The following CPSF3 variants were observed in gnomAD, a reference collection of about 807,000 sequenced individuals.
CPSF3 encodes the protein cleavage and polyadenylation specificity factor subunit 3.
In CPSF3, 57 loss-of-function variants were observed where a neutral mutation model predicts 84.1. That is an observed-to-expected ratio of 0.68 (90% CI 0.55 to 0.85). CPSF3 has a LOEUF of 0.85. Ranked by LOEUF, CPSF3 falls within the 40% of genes least tolerant of loss-of-function variation. The pLI is 0.00. For synonymous variants in CPSF3, 275 were observed against 278.1 expected (o/e 0.99, Z 0.11); for missense variants, 522 against 838.8 (o/e 0.62, Z 4.66).
chr2:9,425,976 A>G (rs1680376123), intron 1 of CPSF3, among the ~76,000 whole-genome samples: 1 of 152,202 alleles, frequency 6.6e-6, no homozygotes, highest in African/African-American at 2.4e-5. Context: ...CCTGTTCTGG[A>G]CATTTCATGT....
At position 9,459,603 on chromosome 2, in the gene CPSF3, C is replaced by A; in HGVS notation, c.1771C>A (p.Pro591Thr). The A allele has an allele frequency of 7.0e-7, 1 of 1,430,058 alleles. No homozygotes were observed. Among genetic ancestry groups the A allele is most frequent in the Non-Finnish European group, 9.7e-7 (1 of 1,028,932 alleles). 88.6% of individuals were successfully genotyped at this position (1,430,058 alleles called of 1,614,324 possible). Residue 591 changes from proline (P) to threonine (T), a missense_variant, in exon 15 of 18, where the codon CCC becomes ACC. By Grantham distance (38) the Pro-to-Thr change is conservative (BLOSUM62 -1). Transcript: ENST00000238112. ...TGTGATATTGGAAGTTCAGTCAAATCCCAAAATAAGAAAAGGTAAGAGTTC... is the reference window on the plus strand; with the variant it reads ...TGTGATATTGGAAGTTCAGTCAAATACCAAAATAAGAAAAGGTAAGAGTTC... ...TTVILEVQSN[P>T]KIRKGAVQKV...
intron 5 of CPSF3, among the ~76,000 whole-genome samples, chr2:9,432,899 A>G (rs938338729): frequency 1.3e-5 from 2 of 152,206 alleles, no homozygotes; most frequent in African/African-American, 4.8e-5. Context: ...GAGGAAAAAA[A>G]AATTTTTAAA....
chr2:9,461,489 C>T (rs1681722336), intron 15 of CPSF3, among the ~76,000 whole-genome samples: 1 of 151,912 alleles, frequency 6.6e-6, no homozygotes, highest in Non-Finnish European at 1.5e-5. Flanking sequence ...ATGGTGAAAC[C>T]CCATCTTTTC....
At chr2:9,433,561 T>G (rs1680672568) in intron 5 of CPSF3, among the ~76,000 whole-genome samples, 1 of 152,232 alleles carries the variant, frequency 6.6e-6, no homozygotes, top group South Asian at 2.1e-4. Flanking sequence ...ACTCCTTTCC[T>G]TGTCTGCATG....
At chr2:9,467,818 C>T (rs1350827550) in intron 16 of CPSF3, 42 bp downstream of exon 16, 5 of 1,519,664 alleles carry the variant, frequency 3.3e-6, no homozygotes, top group Admixed American at 1.7e-5. Flanking sequence ...ACAGTGACAG[C>T]GGCCGGAAGG....
Position 9,423,793 on chromosome 2 carries a change from A to T in CPSF3, c.20A>T (p.Glu7Val). The change falls in exon 1 of 18, where the codon GAG becomes GTG. Residue 7 changes from glutamate to valine, a missense_variant. Physicochemically the swap from Glu to Val is moderately radical, Grantham distance 121. Around this residue, in one of 2 missense-constraint regions of CPSF3, gnomAD observed 329 missense variants for 607.2 expected, o/e 0.54. Transcript: ENST00000238112. ...TTCGGGATGTCTGCGATTCCTGCTG[A>T]GGAGAGCGACCAGCTGCTGATCCGA... MSAIPA[E>V]ESDQLLIRPL... The T allele has an allele frequency of 6.2e-7, 1 of 1,613,386 alleles. No homozygotes were observed. Among genetic ancestry groups the T allele is most frequent in the Non-Finnish European group, 8.5e-7 (1 of 1,179,730 alleles).
Position 9,456,925 on chromosome 2 carries a change from T to G in CPSF3, c.1604-8T>G. 6.6e-7 allele frequency: 1 copy of G among 1,526,654 alleles called. No individual in the cohort carries two copies. 94.6% of individuals were successfully genotyped at this position (1,526,654 alleles called of 1,614,324 possible). On this transcript the variant is annotated splice_region_variant and splice_polypyrimidine_tract_variant and intron_variant, in intron 13 of 17. Transcript: ENST00000238112. ...TATATACATCTTATAGTTATGTCTTTCTTTCAGGTGATGTGGAAGAATTAG... is the reference window on the plus strand; with the variant it reads ...TATATACATCTTATAGTTATGTCTTGCTTTCAGGTGATGTGGAAGAATTAG...
At chr2:9,454,801 C>A (rs1172183786) in intron 12 of CPSF3, among the ~76,000 whole-genome samples, 1 of 152,064 alleles carries the variant, frequency 6.6e-6, no homozygotes, top group Non-Finnish European at 1.5e-5. Flanking sequence ...GCCTAGGCCT[C>A]CCAAAGTGCT....
At chr2:9,466,222 G>T (rs1488230213) in intron 15 of CPSF3, among the ~76,000 whole-genome samples, 2 of 132,734 alleles carry the variant, frequency 1.5e-5, no homozygotes, top group Admixed American at 7.5e-5. Context: ...ACACACGCAC[G>T]CACACACACA....
intron 12 of CPSF3, among the ~76,000 whole-genome samples, chr2:9,454,033 ATATG>A (rs1681425469): frequency 6.6e-6 from 1 of 152,266 alleles, no homozygotes; most frequent in Non-Finnish European, 1.5e-5. Context: ...TTTCCAATGA[ATATG>A]GTATTATTTT....
At chr2:9,435,669 G>A (rs1680752476) in intron 6 of CPSF3, among the ~76,000 whole-genome samples, 1 of 151,872 alleles carries the variant, frequency 6.6e-6, no homozygotes, top group Non-Finnish European at 1.5e-5. Flanking sequence ...CACCCGCCTC[G>A]GCCTTCCAAA....
Position 9,426,534 on chromosome 2 carries a change from C to T in CPSF3, c.51-2231C>T, listed in dbSNP as rs181467097. Among the ~76,000 whole-genome samples, 362 of 152,208 alleles carry T rather than the reference C, an allele frequency of 2.4e-3. 1 individual carries two copies. Among genetic ancestry groups the T allele is most frequent in the Non-Finnish European group, 1.6e-3 (108 of 68,028 alleles). On this transcript the variant is annotated intron_variant, in intron 1 of 17. Transcript: ENST00000238112. ...GAACAATCTGGGTTACAAATACAGG[C>T]TTGGAAGTCCTTAGCATGTCAGAAA...
intron 15 of CPSF3, among the ~76,000 whole-genome samples, chr2:9,461,017 CA>C (rs1396269109): frequency 6.6e-6 from 1 of 152,170 alleles, no homozygotes; most frequent in Non-Finnish European, 1.5e-5. Context: ...AAAAGTTGAG[CA>C]GACTACTTTG....
chr2:9,443,519 T>A lies in CPSF3; in HGVS notation c.1100T>A (p.Ile367Asn). The change falls in exon 10 of 18, where the codon ATC (isoleucine) becomes AAC (asparagine). Residue 367 changes from isoleucine to asparagine, a missense_variant. Ile to Asn is a moderately radical substitution (Grantham distance 149). This residue lies in a region of CPSF3 where 329 missense variants were observed against 607.2 expected (regional missense o/e 0.54). Transcript: ENST00000238112. ...ATTTTTCTTTATTTTCCACAGCACA[T>A]CATGTCTGAACCTGAAGAAATCACT... ...YCVEGTLAKH[I>N]MSEPEEITTM... is the part of the protein sequence containing the mutation. The A allele has an allele frequency of 6.2e-7, 1 of 1,611,778 alleles. No individual in the cohort carries two copies. The highest frequency in any genetic ancestry group is 8.5e-7 in the Non-Finnish European group (1 of 1,178,384).
At chr2:9,454,917 G>C (rs756590016) in intron 12 of CPSF3, among the ~76,000 whole-genome samples, 20 of 152,086 alleles carry the variant, frequency 1.3e-4, no homozygotes, top group Non-Finnish European at 2.2e-4. Flanking sequence ...CTTGGGAAGA[G>C]CTAATCCCAG....
intron 7 of CPSF3, among the ~76,000 whole-genome samples, chr2:9,438,930 G>A (rs1349809017): frequency 6.6e-6 from 1 of 152,048 alleles, no homozygotes; most frequent in African/African-American, 2.4e-5. Context: ...CATATGGCTA[G>A]AGCCATATGA....
Position 9,430,033 on chromosome 2 carries a change from CT to C in CPSF3, c.212+16del. ...TATTAATTAGTCAGTAAGTTTTTCCCTTTATTAATGACACTTTTTCACGGAC... is the reference window on the plus strand; with the variant it reads ...TATTAATTAGTCAGTAAGTTTTTCCCTTATTAATGACACTTTTTCACGGAC... On this transcript the variant is annotated intron_variant, in intron 3 of 17. Coordinates refer to ENST00000238112, the MANE Select transcript of CPSF3 (RefSeq NM_016207.4). 1 of 1,408,560 alleles carries C rather than the reference CT, an allele frequency of 7.1e-7. No individual in the cohort carries two copies. 87.3% of individuals were successfully genotyped at this position (1,408,560 alleles called of 1,614,324 possible).
intron 14 of CPSF3, among the ~76,000 whole-genome samples, chr2:9,457,752 AT>A (rs901509855): frequency 1.5e-4 from 23 of 149,644 alleles, no homozygotes; most frequent in South Asian, 1.3e-3. Context: ...ATACATTCTA[AT>A]TTTTTTTTTC....
chr2:9,450,754 C>A (rs1324241299), intron 11 of CPSF3, among the ~76,000 whole-genome samples: 1 of 152,184 alleles, frequency 6.6e-6, no homozygotes, highest in Admixed American at 6.5e-5. Flanking sequence ...TGCCACTGCA[C>A]TCCAGCCTGA....
Sources: gnomAD v4.1 joint callset for allele counts (sites outside exome capture counted in the v4.1 genomes callset) on GRCh38, gnomAD v4.1.1 for gene constraint, gnomAD v4.1.1 regional missense constraint, MANE v1.5 for transcripts, NCBI Gene and HGNC (gene_info 2026-07-23, HGNC 2026-07-21) for gene names.